NCOR2: variants seen among roughly 807,000 people sequenced by gnomAD.
NCOR2 encodes the protein nuclear receptor corepressor 2, also known as CTG repeat protein 26.
Under a neutral mutation model 262.9 loss-of-function variants are expected in NCOR2, and 81 were observed. That is an observed-to-expected ratio of 0.31 (90% CI 0.26 to 0.37). The LOEUF (loss-of-function observed/expected upper bound fraction) is 0.37. Ranked by LOEUF, NCOR2 falls within the 10% of genes least tolerant of loss-of-function variation. NCOR2 has a pLI of 1.00. For synonymous variants in NCOR2, 1,659 were observed against 1,559.3 expected, an observed-to-expected ratio of 1.06 and a Z score of -1.51; for missense variants, 3,385 against 3,621.4, an observed-to-expected ratio of 0.93 and a Z score of 1.68.
At chr12:124,479,571 ACG>A (rs796436124) in intron 3 of NCOR2, among the ~76,000 whole-genome samples, 7 of 152,238 alleles carry the variant, frequency 4.6e-5, no homozygotes, top group South Asian at 2.1e-4. Context: ...ACACACACGC[ACG>A]CGCGCGCGCA....
chr12:124,377,851 A>AC (rs1438886751), intron 18 of NCOR2, among the ~76,000 whole-genome samples: 1 of 151,596 alleles, frequency 6.6e-6, no homozygotes, highest in African/African-American at 2.4e-5. Context: ...AAAAAAAAAA[A>AC]CAAAAAAAAA....
At chr12:124,564,520 A>ACCCCAC (rs1420351364) in intron 1 of NCOR2, among the ~76,000 whole-genome samples, 5 of 53,724 alleles carry the variant, frequency 9.3e-5, no homozygotes, top group African/African-American at 2.8e-4. Context: ...AACCCCCGCC[A>ACCCCAC]CCCCACCCCC....
chr12:124,560,194 C>A (rs1163535652), intron 1 of NCOR2, among the ~76,000 whole-genome samples: 4 of 152,178 alleles, frequency 2.6e-5, no homozygotes, highest in Non-Finnish European at 4.4e-5. Flanking sequence ...TATTAGGGAT[C>A]GGCAAATATC....
chr12:124,447,022 C>T (rs1158096109), intron 7 of NCOR2, among the ~76,000 whole-genome samples: 1 of 152,206 alleles, frequency 6.6e-6, no homozygotes, highest in African/African-American at 2.4e-5. Flanking sequence ...TCAAGCAATT[C>T]TCCTGCCTCA....
chr12:124,473,811 C>T (rs1230460301), intron 3 of NCOR2, among the ~76,000 whole-genome samples: 1 of 151,988 alleles, frequency 6.6e-6, no homozygotes, highest in Non-Finnish European at 1.5e-5. Flanking sequence ...AGCATGAAAA[C>T]GGACTAATAC....
intron 1 of NCOR2, chr12:124,529,870 T>G (rs567964555): frequency 6.6e-5 from 10 of 152,254 alleles, no homozygotes; most frequent in Admixed American, 2.6e-4. Context: ...CAGGTGGGCA[T>G]GCAAAATGGG....
chr12:124,382,593 T>G (rs533995575), intron 17 of NCOR2, among the ~76,000 whole-genome samples: 1 of 152,322 alleles, frequency 6.6e-6, no homozygotes, highest in East Asian at 1.9e-4. Context: ...CAGCCCTGGA[T>G]GGGGGCTGTG....
exon 20 of NCOR2, chr12:124,372,379 G>A (rs1434792123): frequency 1.3e-6 from 2 of 1,509,124 alleles, no homozygotes; most frequent in Non-Finnish European, 1.8e-6. Flanking sequence ...AGGAGGAGGT[G>A]CAGAGGGCGA....
Position 124,378,470 on chromosome 12 carries a change from G to A in NCOR2, c.2020-86C>T. The A allele has an allele frequency of 1.5e-6, 2 of 1,354,950 alleles. No individual in the cohort carries two copies. The highest frequency in any genetic ancestry group is 5.0e-5 in the East Asian group (2 of 40,234). 83.9% of individuals were successfully genotyped at this position (1,354,950 alleles called of 1,614,324 possible). On this transcript the variant is annotated intron_variant, in intron 17 of 46. Coordinates refer to ENST00000405201, the Ensembl canonical transcript of NCOR2. This position sits in a 1 kb window ranked among gnomAD's most constrained non-coding sequence, Gnocchi z 4.2. ...CCATGCCTGGGGCCTCGCCGCAGGT[G>A]CAAAGGGCAGTGATCCCGGCCATGT...
intron 1 of NCOR2, among the ~76,000 whole-genome samples, chr12:124,546,096 G>A (rs373687975): frequency 5.3e-5 from 8 of 152,318 alleles, no homozygotes; most frequent in African/African-American, 1.9e-4. Flanking sequence ...GTGATCTCAG[G>A]ATAGGGTCTG....
intron 1 of NCOR2, among the ~76,000 whole-genome samples, chr12:124,501,689 TC>T (rs1194629414): frequency 6.6e-6 from 1 of 152,184 alleles, no homozygotes; most frequent in Non-Finnish European, 1.5e-5. Context: ...CCCTCCCCTA[TC>T]CGGTTGTGAC....
At chr12:124,402,441 TCTC>T (rs2042034918) in exon 14 of NCOR2, 28 of 1,613,844 alleles carry the variant, frequency 1.7e-5, no homozygotes, top group Non-Finnish European at 2.2e-5. Context: ...ACCTCCGGCT[TCTC>T]CTCCTCCTTC....
Position 124,482,756 on chromosome 12 carries a change from C to T in NCOR2, c.411+840G>A, listed in dbSNP as rs530085023. Reference sequence around the variant, plus strand: ...CCACCTGCAATGCCAGGCAGCCCCCCATGGAGATGCAGACGAGCCTGAAGT... The same window carrying T: ...CCACCTGCAATGCCAGGCAGCCCCCTATGGAGATGCAGACGAGCCTGAAGT... On this transcript the variant is annotated intron_variant, in intron 3 of 46. Coordinates refer to ENST00000405201, the Ensembl canonical transcript of NCOR2. The surrounding 1 kb of genome is among the most constrained non-coding windows in gnomAD (Gnocchi z 6.3). 3.9e-5 allele frequency among the ~76,000 whole-genome samples: 6 copies of T among 152,146 alleles called. No homozygotes were observed. The highest frequency in any genetic ancestry group is 7.4e-5 in the Non-Finnish European group (5 of 68,006).
chr12:124,425,746 C>G (rs932004575), intron 11 of NCOR2, among the ~76,000 whole-genome samples: 1 of 152,180 alleles, frequency 6.6e-6, no homozygotes, highest in Non-Finnish European at 1.5e-5. Flanking sequence ...GCCCCATTCA[C>G]AAACCATTCC....
intron 11 of NCOR2, among the ~76,000 whole-genome samples, chr12:124,424,331 C>T (rs767826240): frequency 5.3e-5 from 8 of 152,104 alleles, no homozygotes; most frequent in African/African-American, 7.2e-5. Flanking sequence ...TCACCTCCCT[C>T]GTTCAAAACT....
rs780055282 is a variant in NCOR2, at chr12:124,486,418, G to A, written c.233+23C>T. ...GAAGGAGCTCTCACGCCCTGGACAG[G>A]GAGGCAGCAACTCTCTCCTCACCGT... On this transcript the variant is annotated intron_variant, in intron 2 of 46. Coordinates refer to ENST00000405201, the Ensembl canonical transcript of NCOR2. 2.9e-5 allele frequency: 47 copies of A among 1,611,710 alleles called. No individual in the cohort carries two copies. The East Asian group carries it at 9.6e-4, about 33-fold the overall frequency.
chr12:124,360,827 T>C (rs968928307), intron 22 of NCOR2, among the ~76,000 whole-genome samples: 48 of 150,596 alleles, frequency 3.2e-4, no homozygotes, highest in Non-Finnish European at 5.6e-4. Flanking sequence ...GGAGCCGCTC[T>C]TCACTCAACC....
At chr12:124,456,366 C>A (rs2045856444) in intron 6 of NCOR2, among the ~76,000 whole-genome samples, 1 of 152,214 alleles carries the variant, frequency 6.6e-6, no homozygotes, top group Admixed American at 6.5e-5. Flanking sequence ...GCGGCCCATT[C>A]TCTGGGGGCT....
At chr12:124,327,447 G>C (rs999492095) in exon 45 of NCOR2, 2 of 1,612,710 alleles carry the variant, frequency 1.2e-6, no homozygotes, top group African/African-American at 2.7e-5. Context: ...TCCGTCAGCA[G>C]CGGTTATGGG....
Sources: gnomAD v4.1 joint callset for allele counts (sites outside exome capture counted in the v4.1 genomes callset) on GRCh38, gnomAD v4.1.1 for gene constraint, Gnocchi (gnomAD v3.1) non-coding constraint, MANE v1.5 for transcripts, NCBI Gene and HGNC (gene_info 2026-07-23, HGNC 2026-07-21) for gene names.